SF3A3: variants seen among roughly 807,000 people sequenced by gnomAD.
SF3A3 encodes splicing factor 3a subunit 3.
Under a neutral mutation model 85.8 loss-of-function variants are expected in SF3A3, and 9 were observed. That is an observed-to-expected ratio of 0.10 (90% CI 0.06 to 0.18). The LOEUF is 0.18. SF3A3 is among the 10% of genes least tolerant of loss of function. The probability of loss-of-function intolerance (pLI) is 1.00; values close to 1 mark genes in which losing one functional copy is unlikely to be tolerated. For synonymous variants in SF3A3, 195 were observed against 204.4 expected (o/e 0.95, Z 0.39); for missense variants, 306 against 593.3 (o/e 0.52, Z 5.03).
intron 4 of SF3A3, among the ~76,000 whole-genome samples, chr1:37,986,785 C>T (rs1646460108): frequency 1.8e-5 from 2 of 112,096 alleles, no homozygotes; most frequent in South Asian, 6.2e-4. Context: ...GCACTCCAGC[C>T]TGGGCAACAG....
intron 12 of SF3A3, among the ~76,000 whole-genome samples, chr1:37,975,606 C>T (rs1388760996): frequency 6.6e-6 from 1 of 152,168 alleles, no homozygotes; most frequent in Non-Finnish European, 1.5e-5. Flanking sequence ...GCAATTCAGC[C>T]TGCTGTCCAC....
chr1:37,984,107 C>A, intron 6 of SF3A3, 62 bp downstream of exon 6: 1 of 841,616 alleles, frequency 1.2e-6, no homozygotes, highest in Non-Finnish European at 2.0e-6. Flanking sequence ...TCTGCTAGTT[C>A]CAGCCTACTG....
At chr1:37,984,147 T>C (rs1233720636) in intron 6 of SF3A3, 22 bp downstream of exon 6, 1 of 1,398,514 alleles carries the variant, frequency 7.2e-7, no homozygotes, top group East Asian at 2.3e-5. Context: ...TCAGAACCTC[T>C]CTGCCCTTTC....
chr1:37,980,618 T>G lies in SF3A3; in HGVS notation c.658A>C (p.Lys220Gln). The change falls in exon 8 of 17, where the codon AAA becomes CAA. Residue 220 changes from lysine (K) to glutamine (Q), a missense_variant. Physicochemically the swap from Lys to Gln is moderately conservative, Grantham distance 53 (BLOSUM62 1). Coordinates refer to ENST00000373019, the MANE Select transcript of SF3A3 (RefSeq NM_006802.4). Reference protein sequence around the residue: ...FGKIQAEFEKKWENGTFPGWP... With the variant: ...FGKIQAEFEKQWENGTFPGWP... The stretch of plus-strand genomic sequence containing the variant: ...CCAGGAAAGGTCCCATTCTCCCATT[T>G]CTTCTCAAACTCAGCCTGAATCTTC... 1 of 1,614,090 alleles carries G rather than the reference T, an allele frequency of 6.2e-7. No homozygotes were observed. Among genetic ancestry groups the G allele is most frequent in the Non-Finnish European group, 8.5e-7 (1 of 1,180,010 alleles).
rs1156312081 is a variant in SF3A3 at position 37,958,152 on chromosome 1, G to A, written c.*34C>T. 1 of 1,420,872 alleles carries A rather than the reference G, an allele frequency of 7.0e-7. No homozygotes were observed. Among genetic ancestry groups the A allele is most frequent in the Non-Finnish European group, 1.0e-6 (1 of 1,004,684 alleles). 88.0% of individuals were successfully genotyped at this position (1,420,872 alleles called of 1,614,324 possible). ...AAAAAGCAGATCTTAGGGAAGCCTG[G>A]GCTAGCCCAAAAGCTGAGCTACATC... is the stretch of plus-strand genomic sequence containing the variant. On this transcript the variant is annotated 3_prime_UTR_variant, in exon 17 of 17. Transcript: ENST00000373019.
At chr1:37,961,801 G>T (rs1240724718) in intron 15 of SF3A3, among the ~76,000 whole-genome samples, 3 of 100,124 alleles carry the variant, frequency 3.0e-5, no homozygotes, top group Non-Finnish European at 4.2e-5. Context: ...AGAAAAAAAG[G>T]CCGGGCGCGG....
Position 37,984,786 on chromosome 1 carries a change from G to A in SF3A3, c.304-7C>T, listed in dbSNP as rs749704836. On this transcript the variant is annotated splice_polypyrimidine_tract_variant and splice_region_variant and intron_variant, in intron 4 of 16. Coordinates refer to ENST00000373019, the MANE Select transcript of SF3A3 (RefSeq NM_006802.4). ...CTGACATTGGCACACAGATCTGAGG[G>A]GAAAAGTAAAAGCTCAGGTGGATTT... The A allele has an allele frequency of 6.2e-7, 1 of 1,611,906 alleles. No homozygotes were observed. The highest frequency in any genetic ancestry group is 1.1e-5 in the South Asian group (1 of 91,026).
At chr1:37,969,313 T>A (rs1646323186) in intron 14 of SF3A3, 41 bp downstream of exon 14, 3 of 1,455,118 alleles carry the variant, frequency 2.1e-6, no homozygotes, top group Non-Finnish European at 2.9e-6. Flanking sequence ...GTCTCATGTT[T>A]TTACTTCAAT....
chr1:37,967,193 T>C (rs1346751972), intron 15 of SF3A3, among the ~76,000 whole-genome samples: 1 of 136,240 alleles, frequency 7.3e-6, no homozygotes, highest in African/African-American at 2.8e-5. Context: ...GAGACGGAGG[T>C]TGCAGGAGCC....
intron 12 of SF3A3, among the ~76,000 whole-genome samples, chr1:37,972,255 A>G (rs1646349690): frequency 6.6e-6 from 1 of 152,326 alleles, no homozygotes; most frequent in Admixed American, 6.5e-5. Context: ...TCCCCTTCAC[A>G]ATTCCTTCAA....
intron 15 of SF3A3, among the ~76,000 whole-genome samples, chr1:37,962,824 G>T (rs1171178774): frequency 7.3e-5 from 11 of 150,434 alleles, no homozygotes; most frequent in South Asian, 2.1e-4. Context: ...GGTGGCTCAC[G>T]CCTGTAATCC....
At position 37,957,872 on chromosome 1, in the gene SF3A3, A is replaced by C. The variant is rs1397099211; in HGVS notation, c.*314T>G. The stretch of plus-strand genomic sequence containing the variant: ...TATGTAGCATAATAGGTGCCCATTA[A>C]ATCTCAGCTACTAGTAAAGTTGGTG... On this transcript the variant is annotated 3_prime_UTR_variant, in exon 17 of 17. Coordinates refer to ENST00000373019, the MANE Select transcript of SF3A3 (RefSeq NM_006802.4). The C allele has an allele frequency of 3.6e-6, 1 of 277,906 alleles. No individual in the cohort carries two copies. The allele number at this position is 277,906 out of a possible 1,614,324, so 17.2% of individuals were successfully genotyped here.
rs745721503 is a variant in SF3A3, at chr1:37,969,775, T to A, written c.1006-40A>T. 1.4e-5 allele frequency: 23 copies of A among 1,602,528 alleles called. No individual in the cohort carries two copies. The South Asian group carries it at 2.2e-4, about 15-fold the overall frequency. On this transcript the variant is annotated intron_variant, in intron 12 of 16. Transcript: ENST00000373019. ...TAAATGAAAAGTCAGAAAAAAGTAG[T>A]GCAGAATAAGAAGGGAAATTTCCTG...
chr1:37,958,271 G>C lies in SF3A3; in HGVS notation c.1429-8C>G. 3 of 1,598,788 alleles carry C rather than the reference G, an allele frequency of 1.9e-6. No individual in the cohort carries two copies. Among genetic ancestry groups the C allele is most frequent in the African/African-American group, 1.3e-5 (1 of 74,746 alleles). On this transcript the variant is annotated splice_region_variant and splice_polypyrimidine_tract_variant and intron_variant, in intron 16 of 16. Transcript: ENST00000373019. Reference sequence around the variant, plus strand: ...TGAGTCTTCATATTCTTCCTGAAAAGGAAGGGGTACACTTTGTTAGACAGC... The same window carrying C: ...TGAGTCTTCATATTCTTCCTGAAAACGAAGGGGTACACTTTGTTAGACAGC...
chr1:37,965,439 T>C (rs1646292666), intron 15 of SF3A3, among the ~76,000 whole-genome samples: 1 of 151,962 alleles, frequency 6.6e-6, no homozygotes, highest in Non-Finnish European at 1.5e-5. Context: ...TCTGTCAATA[T>C]AAACAGTTTC....
chr1:37,975,667 T>C (rs914683435), intron 12 of SF3A3, among the ~76,000 whole-genome samples: 2 of 152,176 alleles, frequency 1.3e-5, no homozygotes, highest in Non-Finnish European at 1.5e-5. Flanking sequence ...CAATGTCCAA[T>C]GTCTAGCTAG....
intron 12 of SF3A3, among the ~76,000 whole-genome samples, chr1:37,975,773 C>T (rs1005883944): frequency 6.6e-6 from 1 of 152,160 alleles, no homozygotes; most frequent in Admixed American, 6.5e-5. Flanking sequence ...ATGTCCACGG[C>T]AATTAACAAA....
rs373316501 is a variant in SF3A3 at position 37,966,749 on chromosome 1, C to A, written c.1372+1295G>T. ...GTCAGGAGTTCAAGACCAGCCTGACCAACATGGAGAAACCCGTCTCTACTA... is the reference window on the plus strand; with the variant it reads ...GTCAGGAGTTCAAGACCAGCCTGACAAACATGGAGAAACCCGTCTCTACTA... On this transcript the variant is annotated intron_variant, in intron 15 of 16. Coordinates refer to ENST00000373019, the MANE Select transcript of SF3A3 (RefSeq NM_006802.4). Among the ~76,000 whole-genome samples the A allele has an allele frequency of 1.1e-4, 17 of 150,310 alleles. No individual in the cohort carries two copies. The South Asian group carries it at 3.6e-3, about 32-fold the overall frequency.
intron 4 of SF3A3, among the ~76,000 whole-genome samples, chr1:37,986,952 C>A (rs901358850): frequency 6.6e-6 from 1 of 150,790 alleles, no homozygotes; most frequent in Non-Finnish European, 1.5e-5. Flanking sequence ...AAAATCTTGA[C>A]CAACCCAACG....
Sources: allele counts gnomAD v4.1 joint callset (sites outside exome capture counted in the v4.1 genomes callset), GRCh38; gene constraint gnomAD v4.1.1; transcripts MANE v1.5; gene names NCBI Gene and HGNC (gene_info 2026-07-23, HGNC 2026-07-21).